Variants in RPTOR observed in about 807,000 individuals in gnomAD.
RPTOR encodes regulatory associated protein of MTOR complex 1.
In RPTOR, 21 loss-of-function variants were observed where a neutral mutation model predicts 169.9. The observed-to-expected ratio is 0.12, with a 90% CI of 0.09 to 0.18. RPTOR has a LOEUF of 0.18. RPTOR is among the 10% of genes least tolerant of loss of function. The pLI is 1.00. For missense variants in RPTOR, 1,133 were observed against 1,855.9 expected (o/e 0.61, Z 7.16); for synonymous variants, 732 against 753.2 (o/e 0.97, Z 0.46).
chr17:80,823,330 G>C lies in RPTOR; in HGVS notation c.1136+107G>C, dbSNP rs1463716303. On this transcript the variant is annotated intron_variant, in intron 9 of 33. Transcript: ENST00000306801. This position sits in a 1 kb window ranked among gnomAD's most constrained non-coding sequence, Gnocchi z 4.5. Reference sequence around the variant, plus strand: ...GCAGGGAGGCCCCACACCTAACTTGGGGACCCCGTGTAGCATTAACAAGTG... The same window carrying C: ...GCAGGGAGGCCCCACACCTAACTTGCGGACCCCGTGTAGCATTAACAAGTG... The C allele has an allele frequency of 2.8e-6, 4 of 1,404,992 alleles. No individual in the cohort carries two copies. The highest frequency in any genetic ancestry group is 1.4e-5 in the African/African-American group (1 of 69,906). The allele number at this position is 1,404,992 out of a possible 1,614,324, so 87.0% of individuals were successfully genotyped here. A position where few individuals can be genotyped will look rare whatever the true frequency, so the allele number is the denominator to read the frequency against.
chr17:80,545,429 C>G lies in RPTOR; in HGVS notation c.-201C>G, dbSNP rs1019833632. On this transcript the variant is annotated 5_prime_UTR_variant, in exon 1 of 34. Transcript: ENST00000306801. ...GGCTGCCCCATTTCCTAGCGGCCCC[C>G]ACCTCCCCACTTCCCGCTCAGAGTT... 1 of 466,750 alleles carries G rather than the reference C, an allele frequency of 2.1e-6. No individual in the cohort carries two copies. Among genetic ancestry groups the G allele is most frequent in the Non-Finnish European group, 3.8e-6 (1 of 263,342 alleles). 28.9% of individuals were successfully genotyped at this position (466,750 alleles called of 1,614,324 possible). A position where few individuals can be genotyped will look rare whatever the true frequency, so the allele number is the denominator to read the frequency against.
intron 21 of RPTOR, among the ~76,000 whole-genome samples, chr17:80,910,151 G>A (rs1324641947): frequency 1.3e-5 from 2 of 152,156 alleles, no homozygotes; most frequent in African/African-American, 2.4e-5. Context: ...CACCACCTCA[G>A]CCTCCCTGGA....
rs2068150843 is a variant in RPTOR at position 80,878,755 on chromosome 17, C to T, written c.1510-1660C>T. 1.3e-5 allele frequency among the ~76,000 whole-genome samples: 2 copies of T among 152,174 alleles called. No individual in the cohort carries two copies. Among genetic ancestry groups the T allele is most frequent in the Non-Finnish European group, 2.9e-5 (2 of 68,032 alleles). On this transcript the variant is annotated intron_variant, in intron 13 of 33. Coordinates refer to ENST00000306801, the MANE Select transcript of RPTOR (RefSeq NM_020761.3). The surrounding 1 kb of genome is among the most constrained non-coding windows in gnomAD (Gnocchi z 4.1). ...TTGCCCCTTTTCCTCGGGTTTTGGGCAAATACTTCCCGAAGTATTATCGTT... is the reference window on the plus strand; with the variant it reads ...TTGCCCCTTTTCCTCGGGTTTTGGGTAAATACTTCCCGAAGTATTATCGTT...
intron 21 of RPTOR, among the ~76,000 whole-genome samples, chr17:80,915,910 T>A: frequency 6.6e-6 from 1 of 151,958 alleles, no homozygotes; most frequent in Non-Finnish European, 1.5e-5. Flanking sequence ...AGTTAACCAC[T>A]CCAGGGTCTC....
rs376648799 is a variant in RPTOR at position 80,773,914 on chromosome 17, G to GGTGGACACGCA, written c.831-17534_831-17524dup. The GGTGGACACGCA allele has an allele frequency of 1.8e-3, 1,765 of 985,398 alleles. 24 individuals are homozygous for GGTGGACACGCA. In the African/African-American group the frequency reaches 0.028, roughly 16 times the overall value. 61.0% of individuals were successfully genotyped at this position (985,398 alleles called of 1,614,324 possible). ...TTCTGATTCCCTCCAGACAGCTCCC[G>GGTGGACACGCA]GTGGACACGCAGGGCTATGCGGCCT... On this transcript the variant is annotated intron_variant, in intron 6 of 33. Coordinates refer to ENST00000306801, the MANE Select transcript of RPTOR (RefSeq NM_020761.3).
chr17:80,922,263 C>T (rs1288126888), intron 21 of RPTOR, among the ~76,000 whole-genome samples: 1 of 152,200 alleles, frequency 6.6e-6, no homozygotes, highest in African/African-American at 2.4e-5. Context: ...GGCCTCAACT[C>T]GCAGCCTCTG....
At chr17:80,843,181 G>T (rs1432736493) in intron 10 of RPTOR, among the ~76,000 whole-genome samples, 1 of 152,096 alleles carries the variant, frequency 6.6e-6, no homozygotes, top group Non-Finnish European at 1.5e-5. Context: ...AGATTGATTT[G>T]GGAGAAGTCA....
rs57535540 is a variant in RPTOR, at chr17:80,598,882, TTCTATCTATCTA to T, written c.163-26773_163-26762del. Among the ~76,000 whole-genome samples the T allele has an allele frequency of 4.8e-3, 711 of 146,868 alleles. 4 individuals are homozygous for T. Among genetic ancestry groups the T allele is most frequent in the African/African-American group, 0.011 (442 of 39,384 alleles). On this transcript the variant is annotated intron_variant, in intron 1 of 33. Transcript: ENST00000306801. ...ATTGACCTTAAACTTTCTTGATTCTTTCTATCTATCTATCTATCTATCTATCTATCTATCTAT... is the reference window on the plus strand; with the variant it reads ...ATTGACCTTAAACTTTCTTGATTCTTTCTATCTATCTATCTATCTATCTAT...
At chr17:80,804,138 A>G (rs1022964773) in intron 7 of RPTOR, 3 of 152,410 alleles carry the variant, frequency 2.0e-5, no homozygotes, top group Non-Finnish European at 4.4e-5. Context: ...ATGGCTACCT[A>G]CAGAGGACAT....
chr17:80,925,571 G>A (rs2068802275), intron 24 of RPTOR, 91 bp downstream of exon 24: 2 of 1,041,900 alleles, frequency 1.9e-6, no homozygotes, highest in East Asian at 2.5e-5. Flanking sequence ...GCTTGTGGCT[G>A]TGGGAGCGTC....
chr17:80,602,779 G>A (rs1362093994), intron 1 of RPTOR: 22 of 710,840 alleles, frequency 3.1e-5, no homozygotes, highest in Admixed American at 1.9e-4. Flanking sequence ...TCAAATTTCC[G>A]AATCTCTCTG....
intron 5 of RPTOR, among the ~76,000 whole-genome samples, chr17:80,743,891 T>A (rs62069362): frequency 0.013 from 424 of 33,408 alleles, 25 homozygotes; most frequent in African/African-American, 0.05. Flanking sequence ...CTACTAGCAC[T>A]GTCCTGGTTA....
chr17:80,565,090 T>C (rs1019183240), intron 1 of RPTOR, among the ~76,000 whole-genome samples: 2 of 152,238 alleles, frequency 1.3e-5, no homozygotes, highest in Non-Finnish European at 2.9e-5. Context: ...AACATAAGCA[T>C]GCGTGTCTTT....
intron 6 of RPTOR, among the ~76,000 whole-genome samples, chr17:80,776,321 C>CT (rs545348018): frequency 0.3 from 33,279 of 112,098 alleles, 6,519 homozygotes; most frequent in East Asian, 0.49. Flanking sequence ...GCCAAACTTC[C>CT]TTTTTTTTTT....
intron 1 of RPTOR, among the ~76,000 whole-genome samples, chr17:80,557,322 C>A (rs1045732142): frequency 1.3e-5 from 2 of 152,098 alleles, no homozygotes; most frequent in Non-Finnish European, 1.5e-5. Flanking sequence ...GAGTTCAAGA[C>A]CAGCCTGGTC....
intron 20 of RPTOR, among the ~76,000 whole-genome samples, chr17:80,902,488 G>A (rs2068488925): frequency 6.6e-6 from 1 of 152,240 alleles, no homozygotes; most frequent in South Asian, 2.1e-4. Context: ...GTACATCAAA[G>A]CATGATGTCG....
At chr17:80,582,982 C>G (rs1488298699) in intron 1 of RPTOR, among the ~76,000 whole-genome samples, 15 of 147,032 alleles carry the variant, frequency 1.0e-4, no homozygotes, top group Admixed American at 1.4e-4. Context: ...GTGGTGTGAT[C>G]TTGGCTCACT....
chr17:80,626,356 G>A (rs561149743), intron 2 of RPTOR, among the ~76,000 whole-genome samples: 56 of 53,646 alleles, frequency 1.0e-3, no homozygotes, highest in South Asian at 3.7e-3. Flanking sequence ...TTACACGCCC[G>A]GCCAATTTTC....
At chr17:80,740,850 T>A (rs2143251838) in intron 5 of RPTOR, among the ~76,000 whole-genome samples, 1 of 152,322 alleles carries the variant, frequency 6.6e-6, no homozygotes, top group African/African-American at 2.4e-5. Flanking sequence ...CCCTTAAGAT[T>A]GGAAGCAAGG....
Sources: gnomAD v4.1 joint callset for allele counts (sites outside exome capture counted in the v4.1 genomes callset) on GRCh38, gnomAD v4.1.1 for gene constraint, Gnocchi (gnomAD v3.1) non-coding constraint, MANE v1.5 for transcripts, NCBI Gene and HGNC (gene_info 2026-07-23, HGNC 2026-07-21) for gene names.